COBL: variants seen among roughly 807,000 people sequenced by gnomAD.
The protein encoded by COBL is cordon-bleu WH2 repeat protein.
COBL carries 51 observed loss-of-function variants against 98.8 expected under a neutral mutation model. The observed-to-expected ratio is 0.52, with a 90% CI of 0.41 to 0.65. The LOEUF is 0.65. Among genes scored for constraint, COBL ranks in the 30% least tolerant of loss-of-function variants. COBL has a pLI of 0.00. For missense variants in COBL, 1,617 were observed against 1,617.5 expected (o/e 1.00, Z 0.01); for synonymous variants, 634 against 651.7 (o/e 0.97, Z 0.41).
intron 5 of COBL, among the ~76,000 whole-genome samples, chr7:51,147,289 G>A (rs1362201173): frequency 6.6e-6 from 1 of 152,212 alleles, no homozygotes; most frequent in Admixed American, 6.5e-5. Flanking sequence ...CCTTGTATGG[G>A]TCACATTTGT....
chr7:51,276,001 C>T (rs1251450727), intron 1 of COBL, among the ~76,000 whole-genome samples: 2 of 152,190 alleles, frequency 1.3e-5, no homozygotes, highest in Non-Finnish European at 2.9e-5. Flanking sequence ...CTTTTTCCTA[C>T]AAAAGCCCTT....
intron 5 of COBL, among the ~76,000 whole-genome samples, chr7:51,149,199 G>A (rs565732895): frequency 6.6e-6 from 1 of 152,316 alleles, no homozygotes; most frequent in African/African-American, 2.4e-5. Context: ...CATGAACAGA[G>A]TCATCTCCTG....
intron 1 of COBL, among the ~76,000 whole-genome samples, chr7:51,314,572 G>A (rs918248226): frequency 1.3e-5 from 2 of 152,090 alleles, no homozygotes; most frequent in African/African-American, 4.8e-5. Context: ...CCTCAGATTT[G>A]AACACAAAAT....
intron 5 of COBL, among the ~76,000 whole-genome samples, chr7:51,149,788 T>C (rs893472331): frequency 2.0e-5 from 3 of 152,128 alleles, no homozygotes; most frequent in Non-Finnish European, 4.4e-5. Flanking sequence ...GTATTCTTCG[T>C]AGAGCTGCGG....
intron 1 of COBL, among the ~76,000 whole-genome samples, chr7:51,232,950 A>T (rs567038285): frequency 6.6e-6 from 1 of 152,350 alleles, no homozygotes; most frequent in South Asian, 2.1e-4. Context: ...GTGTTAGTTT[A>T]ATGATTAAGG....
intron 12 of COBL, among the ~76,000 whole-genome samples, chr7:51,017,891 C>A (rs1416986707): frequency 1.3e-5 from 2 of 152,228 alleles, no homozygotes; most frequent in African/African-American, 4.8e-5. Context: ...GGGTACGCAT[C>A]TGAGGCCTTG....
intron 6 of COBL, among the ~76,000 whole-genome samples, chr7:51,108,301 G>A (rs955806050): frequency 7.8e-6 from 1 of 127,948 alleles, no homozygotes; most frequent in Admixed American, 8.2e-5. Context: ...TTTGCTCTGA[G>A]GCTCATCCGC....
At chr7:51,185,071 C>T (rs954646602) in intron 4 of COBL, among the ~76,000 whole-genome samples, 7 of 152,162 alleles carry the variant, frequency 4.6e-5, no homozygotes, top group Admixed American at 1.3e-4. Context: ...AAATCCTCAA[C>T]CCCTCTTGAA....
At chr7:51,219,503 G>A (rs1793410849) in intron 2 of COBL, among the ~76,000 whole-genome samples, 2 of 152,232 alleles carry the variant, frequency 1.3e-5, no homozygotes, top group South Asian at 4.2e-4. Context: ...TGGAGCCCCA[G>A]CTCTCCTAAG....
At chr7:51,150,455 TCCC>T (rs1785454036) in intron 5 of COBL, among the ~76,000 whole-genome samples, 1 of 152,062 alleles carries the variant, frequency 6.6e-6, no homozygotes, top group Non-Finnish European at 1.5e-5. Context: ...TTCAGGAAGC[TCCC>T]CCAATACACA....
chr7:51,043,054 T>C (rs1337721460), intron 8 of COBL, among the ~76,000 whole-genome samples: 1 of 152,214 alleles, frequency 6.6e-6, no homozygotes, highest in Admixed American at 6.5e-5. Context: ...AATCTAAGTG[T>C]TCATTATCAG....
intron 10 of COBL, 113 bp from the exon 11 acceptor site, chr7:51,026,778 A>G (rs1245700933): frequency 7.6e-7 from 1 of 1,311,368 alleles, no homozygotes; most frequent in Admixed American, 1.9e-5. Flanking sequence ...CATGCCTGTA[A>G]TCCCATCTAC....
At chr7:51,175,248 A>C (rs992255231) in intron 5 of COBL, among the ~76,000 whole-genome samples, 1 of 152,236 alleles carries the variant, frequency 6.6e-6, no homozygotes, top group Non-Finnish European at 1.5e-5. Flanking sequence ...CGCTTTTAAA[A>C]CTGCAGCTGC....
At chr7:51,247,395 C>T (rs534196418) in intron 1 of COBL, among the ~76,000 whole-genome samples, 1 of 152,180 alleles carries the variant, frequency 6.6e-6, no homozygotes, top group Non-Finnish European at 1.5e-5. Context: ...GAGGTTCCTG[C>T]TAGCAAGGTA....
At chr7:51,048,992 G>A (rs78810032) in intron 7 of COBL, among the ~76,000 whole-genome samples, 2 of 152,050 alleles carry the variant, frequency 1.3e-5, no homozygotes, top group African/African-American at 4.8e-5. Flanking sequence ...TGTCACATAC[G>A]AAGGTAAATT....
At chr7:51,059,727 C>T (rs1353595443) in intron 7 of COBL, among the ~76,000 whole-genome samples, 1 of 152,144 alleles carries the variant, frequency 6.6e-6, no homozygotes, top group African/African-American at 2.4e-5. Context: ...AGGGCACTGT[C>T]TCCCAGCTAC....
Position 51,027,891 on chromosome 7 carries a change from T to C in COBL, c.3205A>G (p.Lys1069Glu), listed in dbSNP as rs117542691. 98 of 1,614,214 alleles carry C rather than the reference T, an allele frequency of 6.1e-5. No individual in the cohort carries two copies. The highest frequency in any genetic ancestry group is 8.1e-5 in the Non-Finnish European group (95 of 1,180,046). Residue 1069 changes from lysine (K) to glutamate (E), a missense_variant, in exon 10 of 13, where the codon AAG becomes GAG. Lys to Glu is a moderately conservative substitution (Grantham distance 56, BLOSUM62 1). Coordinates refer to ENST00000265136, the MANE Select transcript of COBL (RefSeq NM_015198.5). ...ESHILLEREE[K>E]PSVFSTDGNE... Reference sequence around the variant, plus strand: ...CCATCTGTAGAGAACACACTGGGCTTTTCCTCTCTTTCTAGGAGAATGTGG... The same window carrying C: ...CCATCTGTAGAGAACACACTGGGCTCTTCCTCTCTTTCTAGGAGAATGTGG...
chr7:51,081,469 G>A (rs1289525836), intron 7 of COBL, among the ~76,000 whole-genome samples: 2 of 152,212 alleles, frequency 1.3e-5, no homozygotes, highest in Non-Finnish European at 2.9e-5. Context: ...AAGGGCAGCA[G>A]GTGGGGAGGT....
intron 1 of COBL, among the ~76,000 whole-genome samples, chr7:51,263,301 A>T (rs896404759): frequency 6.6e-6 from 1 of 152,198 alleles, no homozygotes; most frequent in Non-Finnish European, 1.5e-5. Flanking sequence ...AGGGCCCACG[A>T]GGTCTCACAC....
Sources: gnomAD v4.1 joint callset for allele counts (sites outside exome capture counted in the v4.1 genomes callset) on GRCh38, gnomAD v4.1.1 for gene constraint, MANE v1.5 for transcripts, NCBI Gene and HGNC (gene_info 2026-07-23, HGNC 2026-07-21) for gene names.